The following TDG variants were observed in gnomAD, a reference collection of about 807,000 sequenced individuals.
TDG encodes the protein G/T mismatch-specific thymine DNA glycosylase.
TDG carries 23 observed loss-of-function variants against 46.1 expected under a neutral mutation model. That is an observed-to-expected ratio of 0.50 (90% CI 0.36 to 0.71). The LOEUF (loss-of-function observed/expected upper bound fraction) is 0.71. Ranked by LOEUF, TDG falls within the 30% of genes least tolerant of loss-of-function variation. The pLI is 0.00. For missense variants in TDG, 304 were observed against 486.7 expected (o/e 0.62, Z 3.53); for synonymous variants, 115 against 161.3 (o/e 0.71, Z 2.18).
intron 1 of TDG, among the ~76,000 whole-genome samples, chr12:103,972,276 G>A (rs11111862): frequency 0.024 from 3,684 of 152,076 alleles, 138 homozygotes; most frequent in East Asian, 0.15. Context: ...ATGCCACGAC[G>A]CCTGACTAAG....
rs1329696081 is a variant in TDG, at chr12:103,987,070, G to A, written c.1213G>A (p.Glu405Lys). The change falls in exon 10 of 10, where the codon GAA becomes AAA. Residue 405 changes from glutamate (E) to lysine (K), a missense_variant. Coordinates refer to ENST00000392872, the MANE Select transcript of TDG (RefSeq NM_003211.6). Reference sequence around the variant, plus strand: ...TAATCACTGTGGAACACAAGAACAGGAAGAAGAAAGCCATGCTTAAGAATG... The same window carrying A: ...TAATCACTGTGGAACACAAGAACAGAAAGAAGAAAGCCATGCTTAAGAATG... ...FSNHCGTQEQEEESHA is the reference protein window; with the variant it reads ...FSNHCGTQEQKEESHA 1.2e-6 allele frequency: 2 copies of A among 1,613,876 alleles called. No individual in the cohort carries two copies. Among genetic ancestry groups the A allele is most frequent in the African/African-American group, 2.7e-5 (2 of 74,964 alleles).
chr12:103,977,346 A>G (rs1871590944), intron 2 of TDG, among the ~76,000 whole-genome samples: 1 of 152,224 alleles, frequency 6.6e-6, no homozygotes, highest in Non-Finnish European at 1.5e-5. Flanking sequence ...CTGAAAGCTT[A>G]TGGGGTTGGC....
chr12:103,987,568 G>A lies in TDG; in HGVS notation c.*478G>A, dbSNP rs1299488591. On this transcript the variant is annotated 3_prime_UTR_variant, in exon 10 of 10. Transcript: ENST00000392872. The stretch of plus-strand genomic sequence containing the variant: ...GAGTCTCATTTGTTAGTTTTTAGTG[G>A]TAACTAAGGGTAAACTCAGGGTTCC... 1 of 155,802 alleles carries A rather than the reference G, an allele frequency of 6.4e-6. No individual in the cohort carries two copies. Among genetic ancestry groups the A allele is most frequent in the Non-Finnish European group, 1.4e-5 (1 of 69,866 alleles). 9.7% of individuals were successfully genotyped at this position (155,802 alleles called of 1,614,324 possible).
chr12:103,980,326 C>T (rs961116909), intron 3 of TDG: 9 of 436,750 alleles, frequency 2.1e-5, no homozygotes, highest in Admixed American at 8.3e-5. Flanking sequence ...TTCTAAACAC[C>T]GGTTTTCTCA....
intron 1 of TDG, among the ~76,000 whole-genome samples, chr12:103,975,000 GA>G (rs1871467931): frequency 6.9e-6 from 1 of 145,812 alleles, no homozygotes; most frequent in Non-Finnish European, 1.5e-5. Context: ...AAAAGAAAAA[GA>G]AAAAGAAAAC....
chr12:103,972,702 A>G (rs2629771), intron 1 of TDG, among the ~76,000 whole-genome samples: 20,949 of 152,208 alleles, frequency 0.14, 1,594 homozygotes, highest in Admixed American at 0.2. Context: ...GGGATATTTC[A>G]TTATTATAGA....
At chr12:103,966,309 G>C (rs1203570746) in intron 1 of TDG, among the ~76,000 whole-genome samples, 1 of 152,210 alleles carries the variant, frequency 6.6e-6, no homozygotes, top group Admixed American at 6.5e-5. Flanking sequence ...ATAACCAGTT[G>C]ACTATAAAAT....
Position 103,982,944 on chromosome 12 carries a change from C to T in TDG, c.614+10C>T, listed in dbSNP as rs1202611385. 5.0e-6 allele frequency: 8 copies of T among 1,613,322 alleles called. No individual in the cohort carries two copies. The highest frequency in any genetic ancestry group is 6.8e-6 in the Non-Finnish European group (8 of 1,179,702). On this transcript the variant is annotated intron_variant, in intron 5 of 9. Coordinates refer to ENST00000392872, the MANE Select transcript of TDG (RefSeq NM_003211.6). ...GCAAAGATCTCTCCAGGTAAGTACA[C>T]AGCATTTGCTTTTATGGGTTGGAAC...
chr12:103,966,260 G>C (rs1566175976), intron 1 of TDG, among the ~76,000 whole-genome samples, 200 bp downstream of exon 1: 1 of 152,220 alleles, frequency 6.6e-6, no homozygotes, highest in Admixed American at 6.5e-5. Context: ...TGCTCTGAGG[G>C]TTACCTGGTG....
Position 103,968,329 on chromosome 12 carries a change from T to C in TDG, c.23+2269T>C, listed in dbSNP as rs4135046. ...AGAGAGTAGCATGGACCACTAAGAA[T>C]ACCAACAGGAAAGATTAACCCTTGC... On this transcript the variant is annotated intron_variant, in intron 1 of 9. Transcript: ENST00000392872. Among the ~76,000 whole-genome samples, 512 of 152,226 alleles carry C rather than the reference T, an allele frequency of 3.4e-3. 2 individuals are homozygous for C. Among genetic ancestry groups the C allele is most frequent in the Non-Finnish European group, 5.0e-3 (337 of 68,018 alleles).
chr12:103,985,370 G>T (rs1445040989), intron 8 of TDG, among the ~76,000 whole-genome samples: 1 of 152,078 alleles, frequency 6.6e-6, no homozygotes, highest in Non-Finnish European at 1.5e-5. Flanking sequence ...CCTGCAGAGT[G>T]CCAGAGCAGA....
At chr12:103,981,755 A>G (rs1871847218) in intron 4 of TDG, among the ~76,000 whole-genome samples, 1 of 152,132 alleles carries the variant, frequency 6.6e-6, no homozygotes, top group African/African-American at 2.4e-5. Context: ...CACACCTGTA[A>G]TCCCAACACT....
Position 103,967,388 on chromosome 12 carries a change from A to G in TDG, c.23+1328A>G, listed in dbSNP as rs1471462091. Among the ~76,000 whole-genome samples the G allele has an allele frequency of 2.6e-5, 4 of 152,034 alleles. No homozygotes were observed. In the East Asian group the frequency reaches 7.7e-4, roughly 29 times the overall value. ...GACCCCAGGTAATCCTTAAGAGAGTAGTTCTCTGTCACCCTTGACTGTGCT... is the reference window on the plus strand; with the variant it reads ...GACCCCAGGTAATCCTTAAGAGAGTGGTTCTCTGTCACCCTTGACTGTGCT... On this transcript the variant is annotated intron_variant, in intron 1 of 9. Coordinates refer to ENST00000392872, the MANE Select transcript of TDG (RefSeq NM_003211.6).
Position 103,966,069 on chromosome 12 carries a change from G to T in TDG, c.23+9G>T. ...GCGGAGAACGCGGGCAGGTAATACCGGGGCCAGCGCCGCCCCTCCCTTGCG... is the reference window on the plus strand; with the variant it reads ...GCGGAGAACGCGGGCAGGTAATACCTGGGCCAGCGCCGCCCCTCCCTTGCG... On this transcript the variant is annotated intron_variant, in intron 1 of 9. Coordinates refer to ENST00000392872, the MANE Select transcript of TDG (RefSeq NM_003211.6). The T allele has an allele frequency of 6.4e-7, 1 of 1,563,528 alleles. No individual in the cohort carries two copies. Among genetic ancestry groups the T allele is most frequent in the South Asian group, 1.2e-5 (1 of 85,100 alleles).
At position 103,983,159 on chromosome 12, in the gene TDG, G is replaced by A. The variant is rs759861763; in HGVS notation, c.638G>A (p.Arg213His). 5 of 1,606,056 alleles carry A rather than the reference G, an allele frequency of 3.1e-6. No individual in the cohort carries two copies. Among genetic ancestry groups the A allele is most frequent in the South Asian group, 1.1e-5 (1 of 88,322 alleles). ...AGTAAAGAATTTCGTGAAGGAGGAC[G>A]TATTCTAGTACAGAAATTACAGAAA... ...LSSKEFREGG[R>H]ILVQKLQKYQ... Residue 213 changes from arginine to histidine, a missense_variant, in exon 6 of 10, where the codon CGT (arginine) becomes CAT (histidine). By Grantham distance (29) the Arg-to-His change is conservative (BLOSUM62 0). Transcript: ENST00000392872.
In TDG at chr12:103,970,188, G is replaced by A. The variant is rs531512995; in HGVS notation, c.23+4128G>A. On this transcript the variant is annotated intron_variant, in intron 1 of 9. Transcript: ENST00000392872. ...GATAATAAAATGTATTTAGAAAATA[G>A]CAACTTAGGCTGGGTGCAGTGGCTC... Among the ~76,000 whole-genome samples the A allele has an allele frequency of 2.6e-5, 4 of 152,220 alleles. 1 individual carries two copies. The highest frequency in any genetic ancestry group is 9.6e-5 in the African/African-American group (4 of 41,536).
intron 1 of TDG, among the ~76,000 whole-genome samples, chr12:103,972,790 T>C (rs908544329): frequency 2.6e-4 from 39 of 152,338 alleles, no homozygotes; most frequent in African/African-American, 9.4e-4. Flanking sequence ...TTTTTCACTT[T>C]TTATTCAGCC....
intron 1 of TDG, among the ~76,000 whole-genome samples, chr12:103,975,986 T>G (rs1195472142): frequency 1.3e-5 from 2 of 151,546 alleles, no homozygotes; most frequent in Admixed American, 1.3e-4. Flanking sequence ...AGGTCCTACC[T>G]CTCAACACTT....
chr12:103,986,454 T>G (rs1026095973), intron 9 of TDG: 1 of 152,448 alleles, frequency 6.6e-6, no homozygotes, highest in African/African-American at 2.4e-5. Flanking sequence ...CCCAGCAGTT[T>G]GAGAGGCTGA....
Sources: allele counts gnomAD v4.1 joint callset (sites outside exome capture counted in the v4.1 genomes callset), GRCh38; gene constraint gnomAD v4.1.1; transcripts MANE v1.5; gene names NCBI Gene and HGNC (gene_info 2026-07-23, HGNC 2026-07-21).